Variants in GSN observed in about 807,000 individuals in gnomAD.
GSN encodes the protein gelsolin.
A neutral mutation model predicts 85.7 loss-of-function variants in GSN; 56 were observed. The observed-to-expected ratio is 0.65, with a 90% CI of 0.53 to 0.82. The LOEUF (loss-of-function observed/expected upper bound fraction) is 0.82. Ranked by LOEUF, GSN falls within the 40% of genes least tolerant of loss-of-function variation. The pLI is 0.00. For missense variants in GSN, 857 were observed against 979.8 expected, an observed-to-expected ratio of 0.87 and a Z score of 1.67; for synonymous variants, 373 against 399.1, an observed-to-expected ratio of 0.93 and a Z score of 0.78.
intron 7 of GSN, among the ~76,000 whole-genome samples, chr9:121,315,050 G>C (rs562742116): frequency 3.9e-5 from 6 of 152,200 alleles, no homozygotes; most frequent in African/African-American, 1.4e-4. Context: ...TTGTAGAGAC[G>C]AGGTTTTGCC....
At chr9:121,311,187 G>A (rs535366629) in intron 5 of GSN, 5 of 377,728 alleles carry the variant, frequency 1.3e-5, no homozygotes, top group African/African-American at 1.0e-4. Flanking sequence ...GCACCATCAT[G>A]AATGCCCACA....
At chr9:121,212,334 T>C (rs2053983198) in intron 4 of GSN, among the ~76,000 whole-genome samples, 1 of 152,184 alleles carries the variant, frequency 6.6e-6, no homozygotes, top group Non-Finnish European at 1.5e-5. Flanking sequence ...TGGGCCTCAG[T>C]TTCCTCATCT....
At chr9:121,313,663 C>A in intron 6 of GSN, 1 of 527,304 alleles carries the variant, frequency 1.9e-6, no homozygotes, top group Non-Finnish European at 3.5e-6. Flanking sequence ...TCACAATTAG[C>A]CGGTAGGCGA....
At chr9:121,295,456 G>T (rs1421585294) in intron 2 of GSN, among the ~76,000 whole-genome samples, 1 of 152,216 alleles carries the variant, frequency 6.6e-6, no homozygotes, top group Non-Finnish European at 1.5e-5. Context: ...TCCATGAGTG[G>T]CTGGCTGCCT....
chr9:121,286,791 GAGAGTCAGACTTCGGACTTC>G, intron 2 of GSN: 1 of 1,519,192 alleles, frequency 6.6e-7, no homozygotes, highest in Non-Finnish European at 8.8e-7. Context: ...GTGTAGAAGT[GAGAGTCAGACTTCGGACTTC>G]AGAGTCAGAC....
intron 7 of GSN, among the ~76,000 whole-genome samples, chr9:121,315,727 C>T (rs2061641124): frequency 6.6e-6 from 1 of 152,154 alleles, no homozygotes; most frequent in Non-Finnish European, 1.5e-5. Flanking sequence ...TGCCATTGCA[C>T]TCCAGCCTGG....
chr9:121,301,885 A>G lies in GSN; in HGVS notation c.-9-78A>G, dbSNP rs748099666. 20 of 1,607,876 alleles carry G rather than the reference A, an allele frequency of 1.2e-5. No individual in the cohort carries two copies. In the Admixed American group the frequency reaches 3.0e-4, roughly 24 times the overall value. On this transcript the variant is annotated intron_variant, in intron 2 of 17. Transcript: ENST00000432226. ...TCAAGTGAGATGCTCTTGGTGCTAG[A>G]AACCGCCCTCCCTCATGCCTGGGGT...
At chr9:121,269,822 C>A (rs191566522) in intron 1 of GSN, among the ~76,000 whole-genome samples, 1 of 152,270 alleles carries the variant, frequency 6.6e-6, no homozygotes, top group Non-Finnish European at 1.5e-5. Context: ...CAGGCTGCTC[C>A]CAGGAGGGGT....
chr9:121,285,901 C>T lies in GSN; in HGVS notation c.-10+4339C>T, dbSNP rs947646212. Among the ~76,000 whole-genome samples the T allele has an allele frequency of 2.0e-5, 3 of 152,278 alleles. No individual in the cohort carries two copies. The East Asian group carries it at 5.8e-4, about 29-fold the overall frequency. ...CAGTAGGCAGGCAGGTTCTTCCCCC[C>T]AAAATTGACGGCCTTGTGCTTAAGG... On this transcript the variant is annotated intron_variant, in intron 2 of 17. Transcript: ENST00000432226.
chr9:121,302,810 C>A, intron 3 of GSN, 101 bp from the exon 4 acceptor site: 1 of 1,149,458 alleles, frequency 8.7e-7, no homozygotes, highest in Non-Finnish European at 1.3e-6. Flanking sequence ...GCTTCTACAG[C>A]TAGGTCAGGG....
intron 13 of GSN, chr9:121,326,903 A>G: frequency 1.4e-6 from 1 of 712,662 alleles, no homozygotes; most frequent in Non-Finnish European, 2.6e-6. Flanking sequence ...CACAGTGGAC[A>G]GCTCACTACC....
intron 2 of GSN, chr9:121,286,824 C>T (rs1189929276): frequency 7.6e-6 from 10 of 1,315,310 alleles, no homozygotes; most frequent in African/African-American, 1.5e-5. Context: ...AGTCAGACAG[C>T]CCTGAATTCC....
Position 121,299,191 on chromosome 9 carries a change from A to C in GSN, c.-9-2772A>C. On this transcript the variant is annotated intron_variant, in intron 2 of 17. Transcript: ENST00000432226. The surrounding 1 kb of genome is among the most constrained non-coding windows in gnomAD (Gnocchi z 4.2). ...AAACAAACACTTTTTAAAAAGAAGG[A>C]AAGAAAAGTAGGAGGGGCTATCCCA... is the stretch of plus-strand genomic sequence containing the variant. The C allele has an allele frequency of 5.6e-6, 2 of 358,174 alleles. No homozygotes were observed. The highest frequency in any genetic ancestry group is 7.8e-6 in the Non-Finnish European group (2 of 256,230). 22.2% of individuals were successfully genotyped at this position (358,174 alleles called of 1,614,324 possible).
At chr9:121,284,847 C>G (rs1413702748) in intron 2 of GSN, 11 of 167,320 alleles carry the variant, frequency 6.6e-5, no homozygotes, top group Non-Finnish European at 1.5e-5. Flanking sequence ...GACAGCAGCA[C>G]TGGGAGCTGG....
At chr9:121,252,175 C>CTT (rs2054853007) in intron 6 of GSN, among the ~76,000 whole-genome samples, 1 of 151,978 alleles carries the variant, frequency 6.6e-6, no homozygotes, top group Admixed American at 6.5e-5. Context: ...TCATTTTACC[C>CTT]CAGGGATAAG....
chr9:121,219,272 T>C (rs1169394540), intron 4 of GSN, among the ~76,000 whole-genome samples: 2 of 151,762 alleles, frequency 1.3e-5, no homozygotes, highest in Admixed American at 1.3e-4. Context: ...TTTTTTTTTT[T>C]TTTTTAAATA....
intron 11 of GSN, among the ~76,000 whole-genome samples, chr9:121,321,962 C>T (rs903775039): frequency 1.3e-5 from 2 of 152,106 alleles, no homozygotes; most frequent in African/African-American, 2.4e-5. Context: ...AGGCTGGTCT[C>T]GAACTCCTGA....
chr9:121,297,012 A>T (rs2059284544), intron 2 of GSN, among the ~76,000 whole-genome samples: 1 of 152,190 alleles, frequency 6.6e-6, no homozygotes, highest in Admixed American at 6.5e-5. Context: ...ATCACCAACT[A>T]TGCAGGTCAG....
At chr9:121,314,613 T>TAC (rs1260851879) in intron 7 of GSN, among the ~76,000 whole-genome samples, 1 of 152,188 alleles carries the variant, frequency 6.6e-6, no homozygotes, top group African/African-American at 2.4e-5. Context: ...GAAAAACTAC[T>TAC]ACATTATCGA....
Sources: allele counts gnomAD v4.1 joint callset (sites outside exome capture counted in the v4.1 genomes callset), GRCh38; gene constraint gnomAD v4.1.1; non-coding constraint Gnocchi (gnomAD v3.1); transcripts MANE v1.5; gene names NCBI Gene and HGNC (gene_info 2026-07-23, HGNC 2026-07-21).